ACOT13: variants seen among roughly 807,000 people sequenced by gnomAD.
The protein encoded by ACOT13 is acyl-coenzyme A thioesterase 13.
Under a neutral mutation model 11.8 loss-of-function variants are expected in ACOT13, and 10 were observed. The ratio of observed to expected loss-of-function variants is 0.85; its 90% CI spans 0.53 to 1.44. ACOT13 has a LOEUF of 1.44. Ranked by LOEUF, ACOT13 falls within the 40% of genes most tolerant of loss-of-function variation. The pLI is 0.00. For synonymous variants in ACOT13, 53 were observed against 61.0 expected, an observed-to-expected ratio of 0.87 and a Z score of 0.61; for missense variants, 172 against 174.1, an observed-to-expected ratio of 0.99 and a Z score of 0.07.
At chr6:24,693,741 T>G (rs1344118394) in intron 1 of ACOT13, among the ~76,000 whole-genome samples, 1 of 151,388 alleles carries the variant, frequency 6.6e-6, no homozygotes, top group Non-Finnish European at 1.5e-5. Context: ...TTTTTTTTTT[T>G]GAGACGGAGT....
intron 1 of ACOT13, among the ~76,000 whole-genome samples, chr6:24,682,101 G>A (rs1778561449): frequency 6.6e-6 from 1 of 152,226 alleles, no homozygotes; most frequent in Non-Finnish European, 1.5e-5. Context: ...AAGGGTTGGG[G>A]GTTGTTAGAA....
intron 2 of ACOT13, among the ~76,000 whole-genome samples, chr6:24,698,748 C>T (rs1210885746): frequency 1.3e-5 from 2 of 151,862 alleles, no homozygotes; most frequent in East Asian, 3.9e-4. Context: ...AGTAATTCTC[C>T]TGCCTCAGCC....
chr6:24,691,502 T>TA (rs1382937865), intron 1 of ACOT13, among the ~76,000 whole-genome samples: 3 of 152,070 alleles, frequency 2.0e-5, no homozygotes, highest in Non-Finnish European at 4.4e-5. Flanking sequence ...AGGTGGAAGA[T>TA]AGAGAGTATT....
intron 1 of ACOT13, among the ~76,000 whole-genome samples, chr6:24,667,819 C>T (rs967913570): frequency 1.3e-5 from 2 of 152,180 alleles, no homozygotes; most frequent in African/African-American, 4.8e-5. Flanking sequence ...CTCAAAGGCA[C>T]CCAACTCCTG....
chr6:24,671,036 T>C (rs1778354230), intron 1 of ACOT13, among the ~76,000 whole-genome samples: 1 of 152,164 alleles, frequency 6.6e-6, no homozygotes, highest in Non-Finnish European at 1.5e-5. Flanking sequence ...AGGTCAACCA[T>C]TGTGGAAGAC....
intron 1 of ACOT13, among the ~76,000 whole-genome samples, chr6:24,673,038 G>A (rs1778388191): frequency 6.6e-6 from 1 of 152,148 alleles, no homozygotes; most frequent in Non-Finnish European, 1.5e-5. Flanking sequence ...AGGAGTCAAA[G>A]CCCTGTAACC....
intron 1 of ACOT13, among the ~76,000 whole-genome samples, chr6:24,669,277 A>G (rs1243437285): frequency 1.3e-5 from 2 of 152,226 alleles, no homozygotes; most frequent in African/African-American, 2.4e-5. Context: ...TGTAAAATGA[A>G]CACTGGTTGG....
chr6:24,691,193 A>G (rs934197374), intron 1 of ACOT13, among the ~76,000 whole-genome samples: 4 of 152,180 alleles, frequency 2.6e-5, no homozygotes, highest in Non-Finnish European at 5.9e-5. Flanking sequence ...GCATATTGTT[A>G]TAGAATGCTC....
intron 2 of ACOT13, among the ~76,000 whole-genome samples, chr6:24,699,195 G>GAAAT (rs1221375578): frequency 1.3e-5 from 2 of 149,646 alleles, no homozygotes; most frequent in East Asian, 3.9e-4. Context: ...GAGGGTAATG[G>GAAAT]AAATAATGTA....
At chr6:24,672,378 C>T (rs926081221) in intron 1 of ACOT13, among the ~76,000 whole-genome samples, 3 of 152,128 alleles carry the variant, frequency 2.0e-5, no homozygotes, top group Non-Finnish European at 4.4e-5. Flanking sequence ...TGGTGGCTCA[C>T]GCCTATAATC....
chr6:24,699,804 T>G (rs773297986), intron 2 of ACOT13, among the ~76,000 whole-genome samples: 1 of 152,220 alleles, frequency 6.6e-6, no homozygotes, highest in Admixed American at 6.5e-5. Flanking sequence ...CTGCATTTCA[T>G]GATCTACTAA....
At position 24,668,838 on chromosome 6, in the gene ACOT13, G is replaced by A. The variant is rs144383979; in HGVS notation, c.81+1494G>A. Among the ~76,000 whole-genome samples the A allele has an allele frequency of 1.2e-4, 18 of 152,262 alleles. No individual in the cohort carries two copies. In the East Asian group the frequency reaches 3.3e-3, roughly 28 times the overall value. The stretch of plus-strand genomic sequence containing the variant: ...TTTAAGGGATAACTTACTTCTTAGC[G>A]TAATTTTGCTTTTTGCAACCAATCA... On this transcript the variant is annotated intron_variant, in intron 1 of 2. Transcript: ENST00000230048.
chr6:24,682,602 C>A (rs1045789170), intron 1 of ACOT13, among the ~76,000 whole-genome samples: 2 of 152,118 alleles, frequency 1.3e-5, no homozygotes, highest in African/African-American at 4.8e-5. Context: ...GCAATGGACA[C>A]CTCGCTGGAT....
intron 1 of ACOT13, among the ~76,000 whole-genome samples, chr6:24,690,342 G>C (rs1399621392): frequency 1.3e-5 from 2 of 152,188 alleles, no homozygotes; most frequent in African/African-American, 4.8e-5. Flanking sequence ...TGGAAGACAG[G>C]ATAAGAAAGG....
In ACOT13 at chr6:24,667,289, G is replaced by T; in HGVS notation, c.26G>T (p.Arg9Leu). ...ATGACCAGCATGACTCAGTCTCTGCGGGAGGTGATAAAGGCCATGACCAAG... is the reference window on the plus strand; with the variant it reads ...ATGACCAGCATGACTCAGTCTCTGCTGGAGGTGATAAAGGCCATGACCAAG... MTSMTQSL[R>L]EVIKAMTKAR... is the part of the protein sequence containing the mutation. Residue 9 changes from arginine (R) to leucine (L), a missense_variant, in exon 1 of 3, where the codon CGG becomes CTG. Transcript: ENST00000230048. 6.2e-7 allele frequency: 1 copy of T among 1,614,186 alleles called. No individual in the cohort carries two copies. The highest frequency in any genetic ancestry group is 8.5e-7 in the Non-Finnish European group (1 of 1,180,020).
At chr6:24,681,349 G>A (rs899514182) in intron 1 of ACOT13, among the ~76,000 whole-genome samples, 2 of 152,220 alleles carry the variant, frequency 1.3e-5, no homozygotes, top group African/African-American at 2.4e-5. Flanking sequence ...AAAGCTACAG[G>A]TTGCCAGTGG....
chr6:24,667,503 G>C (rs1043867328), intron 1 of ACOT13, among the ~76,000 whole-genome samples, 159 bp downstream of exon 1: 1 of 152,156 alleles, frequency 6.6e-6, no homozygotes. Flanking sequence ...CTTTAATGGA[G>C]CCCCTAAATA....
chr6:24,698,229 T>C (rs1369249944), intron 2 of ACOT13, among the ~76,000 whole-genome samples, 162 bp downstream of exon 2: 1 of 152,200 alleles, frequency 6.6e-6, no homozygotes, highest in African/African-American at 2.4e-5. Flanking sequence ...AGCCTTAAAA[T>C]CTAGAACTAG....
At chr6:24,670,024 C>A (rs1213148813) in intron 1 of ACOT13, among the ~76,000 whole-genome samples, 4 of 152,028 alleles carry the variant, frequency 2.6e-5, no homozygotes, top group African/African-American at 9.7e-5. Context: ...TAGAATTCAG[C>A]CTAAACTGTA....
Sources: gnomAD v4.1 joint callset for allele counts (sites outside exome capture counted in the v4.1 genomes callset) on GRCh38, gnomAD v4.1.1 for gene constraint, MANE v1.5 for transcripts, NCBI Gene and HGNC (gene_info 2026-07-23, HGNC 2026-07-21) for gene names.